MTF1: variants seen among roughly 807,000 people sequenced by gnomAD.
The protein encoded by MTF1 is MRE-binding transcription factor.
Under a neutral mutation model 70.4 loss-of-function variants are expected in MTF1, and 22 were observed. That is an observed-to-expected ratio of 0.31 (90% CI 0.22 to 0.45). The LOEUF is 0.45. Ranked by LOEUF, MTF1 falls within the 20% of genes least tolerant of loss-of-function variation. The probability of loss-of-function intolerance (pLI) is 1.00; values close to 1 mark genes in which losing one functional copy is unlikely to be tolerated. For missense variants in MTF1, 649 were observed against 922.0 expected (o/e 0.70, Z 3.83); for synonymous variants, 333 against 352.8 (o/e 0.94, Z 0.63).
At position 37,832,605 on chromosome 1, in the gene MTF1, AT is replaced by A. The variant is rs756786913; in HGVS notation, c.991-284del. 5.3e-5 allele frequency among the ~76,000 whole-genome samples: 8 copies of A among 152,330 alleles called. No homozygotes were observed. The South Asian group carries it at 1.7e-3, about 32-fold the overall frequency. On this transcript the variant is annotated intron_variant, in intron 6 of 10. Transcript: ENST00000373036. ...CATTAACTCATCATTTACATTAAGT[AT>A]ATCTCCTAATGCTATCCCTCCCCTG...
In MTF1 at chr1:37,840,685, T is replaced by C. The variant is rs1303797610; in HGVS notation, c.409-527A>G. Among the ~76,000 whole-genome samples, 1 of 152,194 alleles carries C rather than the reference T, an allele frequency of 6.6e-6. No homozygotes were observed. The highest frequency in any genetic ancestry group is 1.5e-5 in the Non-Finnish European group (1 of 68,026). On this transcript the variant is annotated intron_variant, in intron 2 of 10. Coordinates refer to ENST00000373036, the MANE Select transcript of MTF1 (RefSeq NM_005955.3). This position sits in a 1 kb window ranked among gnomAD's most constrained non-coding sequence, Gnocchi z 4.5. Reference sequence around the variant, plus strand: ...ACATATTGCAAATTTCTTGGAAGATTTGGTGATGTGATAATTCTCAAACTG... The same window carrying C: ...ACATATTGCAAATTTCTTGGAAGATCTGGTGATGTGATAATTCTCAAACTG...
intron 2 of MTF1, among the ~76,000 whole-genome samples, chr1:37,851,180 A>G (rs548437945): frequency 6.6e-6 from 1 of 152,328 alleles, no homozygotes; most frequent in South Asian, 2.1e-4. Context: ...AGCTACTGCT[A>G]CTTCTCCTTC....
intron 7 of MTF1, among the ~76,000 whole-genome samples, chr1:37,827,114 T>C (rs1325974453): frequency 3.3e-5 from 5 of 152,134 alleles, no homozygotes. Context: ...ACATTCTTCA[T>C]ATTATATACA....
Position 37,811,392 on chromosome 1 carries a change from A to G in MTF1, c.*3744T>C, listed in dbSNP as rs1640733547. ...GCCAGGGCCACATGGGACAACGACC[A>G]TCAAGCTACACATATTGCACCAAGG... On this transcript the variant is annotated 3_prime_UTR_variant, in exon 11 of 11. Coordinates refer to ENST00000373036, the MANE Select transcript of MTF1 (RefSeq NM_005955.3). 1 of 152,688 alleles carries G rather than the reference A, an allele frequency of 6.5e-6. No individual in the cohort carries two copies. The highest frequency in any genetic ancestry group is 1.5e-5 in the Non-Finnish European group (1 of 68,044). The allele number at this position is 152,688 out of a possible 1,614,324, so 9.5% of individuals were successfully genotyped here.
At chr1:37,853,826 A>G (rs1260635506) in intron 2 of MTF1, among the ~76,000 whole-genome samples, 2 of 152,170 alleles carry the variant, frequency 1.3e-5, no homozygotes, top group Non-Finnish European at 2.9e-5. Flanking sequence ...GTTTGCTGCT[A>G]TGATTATTGG....
chr1:37,857,163 C>G, intron 2 of MTF1, 88 bp downstream of exon 2: 1 of 1,374,698 alleles, frequency 7.3e-7, no homozygotes, highest in Non-Finnish European at 1.0e-6. Flanking sequence ...CCATGCACTC[C>G]TTTACTCCCC....
intron 2 of MTF1, among the ~76,000 whole-genome samples, chr1:37,856,951 A>G (rs1275120820): frequency 6.6e-6 from 1 of 152,246 alleles, no homozygotes; most frequent in African/African-American, 2.4e-5. Context: ...TAGATAAGCT[A>G]AATAGTTATT....
At chr1:37,817,612 C>T in intron 9 of MTF1, 130 bp from the exon 10 acceptor site, 2 of 701,666 alleles carry the variant, frequency 2.9e-6, no homozygotes, top group South Asian at 1.6e-5. Context: ...GATTTTTGTA[C>T]TGAGTGATGT....
intron 7 of MTF1, among the ~76,000 whole-genome samples, chr1:37,829,251 C>G (rs1039145369): frequency 2.0e-5 from 3 of 151,716 alleles, no homozygotes; most frequent in African/African-American, 7.3e-5. Context: ...ACAACACCAG[C>G]TAATATTTTA....
chr1:37,834,083 T>C (rs12736219), intron 6 of MTF1, among the ~76,000 whole-genome samples: 90,357 of 151,792 alleles, frequency 0.6, 28,745 homozygotes, highest in Non-Finnish European at 0.71. Context: ...AAAAAAAACC[T>C]GGGTGTGGTG....
chr1:37,826,768 CAAGAGTTCGA>C (rs1240439706), intron 7 of MTF1, among the ~76,000 whole-genome samples: 1 of 152,094 alleles, frequency 6.6e-6, no homozygotes, highest in Non-Finnish European at 1.5e-5. Context: ...CGCTTGAGGT[CAAGAGTTCGA>C]AACCAGCCTG....
At chr1:37,819,339 A>C (rs929452672) in intron 9 of MTF1, among the ~76,000 whole-genome samples, 4 of 152,106 alleles carry the variant, frequency 2.6e-5, no homozygotes, top group Admixed American at 2.0e-4. Flanking sequence ...TTCATTATTT[A>C]AGACCGGGCG....
chr1:37,857,437 T>C lies in MTF1; in HGVS notation c.222A>G (p.Leu74=), dbSNP rs1641514453. ...DGQCGEHLPF[L]VGGEEGFHLI... is the part of the protein sequence containing the mutation. ...GGTGAAAGCCCTCTTCACCCCCTAC[T>C]AGAAAAGGCAAGTGTTCTCCGCACT... Residue 74 remains leucine, a synonymous_variant, in exon 2 of 11, where the codon CTA becomes CTG. Coordinates refer to ENST00000373036, the MANE Select transcript of MTF1 (RefSeq NM_005955.3). The C allele has an allele frequency of 6.2e-7, 1 of 1,614,150 alleles. No homozygotes were observed. The highest frequency in any genetic ancestry group is 1.3e-5 in the African/African-American group (1 of 75,012).
chr1:37,849,617 A>C (rs1641384452), intron 2 of MTF1, among the ~76,000 whole-genome samples: 5 of 152,166 alleles, frequency 3.3e-5, no homozygotes, highest in Admixed American at 3.3e-4. Flanking sequence ...TGGAGGATAC[A>C]TCACGTCACC....
At chr1:37,821,930 T>C (rs1305839957) in intron 9 of MTF1, among the ~76,000 whole-genome samples, 191 bp downstream of exon 9, 3 of 152,198 alleles carry the variant, frequency 2.0e-5, no homozygotes, top group African/African-American at 7.2e-5. Context: ...TCTGCCTCCT[T>C]ACTATAGGTA....
chr1:37,832,281 C>T lies in MTF1; in HGVS notation c.1032G>A (p.Leu344=). Residue 344 remains leucine (L), a synonymous_variant, in exon 7 of 11, where the codon CTG becomes CTA. Transcript: ENST00000373036. ...HSLCLSDLSL[L]STDSELRENS... ...TTTCTCGCAATTCAGAATCTGTGGA[C>T]AGAAGGCTCAAGTCACTTAGACAAA... 6.2e-7 allele frequency: 1 copy of T among 1,613,468 alleles called. No homozygotes were observed. Among genetic ancestry groups the T allele is most frequent in the Non-Finnish European group, 8.5e-7 (1 of 1,179,634 alleles).
intron 2 of MTF1, among the ~76,000 whole-genome samples, chr1:37,853,538 T>G (rs1294170045): frequency 1.3e-5 from 2 of 152,126 alleles, no homozygotes; most frequent in Non-Finnish European, 2.9e-5. Context: ...TATTTACTAT[T>G]TAGCCCTAAG....
At chr1:37,834,605 G>A (rs1641137053) in intron 6 of MTF1, 1 of 456,094 alleles carries the variant, frequency 2.2e-6, no homozygotes, top group Admixed American at 2.4e-5. Flanking sequence ...GGACAGAAGA[G>A]GGGGAAAAGG....
chr1:37,856,499 CTTTTTTT>C (rs35260301), intron 2 of MTF1, among the ~76,000 whole-genome samples: 1 of 122,710 alleles, frequency 8.1e-6, no homozygotes, highest in East Asian at 2.4e-4. Context: ...GAATTTCTTT[CTTTTTTT>C]TTTTTTTTTT....
Sources: gnomAD v4.1 joint callset for allele counts (sites outside exome capture counted in the v4.1 genomes callset) on GRCh38, gnomAD v4.1.1 for gene constraint, Gnocchi (gnomAD v3.1) non-coding constraint, MANE v1.5 for transcripts, NCBI Gene and HGNC (gene_info 2026-07-23, HGNC 2026-07-21) for gene names.